Variants in LPP observed in about 807,000 individuals in gnomAD.
The protein encoded by LPP is lipoma-preferred partner.
LPP carries 38 observed loss-of-function variants against 60.4 expected under a neutral mutation model. The ratio of observed to expected loss-of-function variants is 0.63; its 90% CI spans 0.49 to 0.83. The LOEUF (loss-of-function observed/expected upper bound fraction) is 0.83, where lower values mean the gene tolerates loss of function less well. Among genes scored for constraint, LPP ranks in the 40% least tolerant of loss-of-function variants. LPP has a pLI of 0.00. For synonymous variants in LPP, 328 were observed against 290.8 expected (o/e 1.13, Z -1.30); for missense variants, 902 against 783.6 (o/e 1.15, Z -1.80).
chr3:188,321,999 A>G (rs1370669119), intron 2 of LPP, among the ~76,000 whole-genome samples: 1 of 152,222 alleles, frequency 6.6e-6, no homozygotes, highest in Non-Finnish European at 1.5e-5. Flanking sequence ...ATCTCAGCTT[A>G]TGATAAGGAA....
At chr3:188,393,382 C>T (rs1780158930) in intron 3 of LPP, among the ~76,000 whole-genome samples, 2 of 152,102 alleles carry the variant, frequency 1.3e-5, no homozygotes, top group South Asian at 4.1e-4. Flanking sequence ...CTTCCCGTTG[C>T]TAATTGCTGT....
At chr3:188,676,366 C>T (rs997410234) in intron 7 of LPP, among the ~76,000 whole-genome samples, 3 of 152,078 alleles carry the variant, frequency 2.0e-5, no homozygotes, top group Non-Finnish European at 2.9e-5. Context: ...GTCGCCACAT[C>T]TTAGGTAATT....
At chr3:188,679,917 T>C (rs1859093674) in intron 7 of LPP, among the ~76,000 whole-genome samples, 1 of 152,170 alleles carries the variant, frequency 6.6e-6, no homozygotes, top group Non-Finnish European at 1.5e-5. Flanking sequence ...ATCTCTGCTG[T>C]CACTGTGCTG....
intron 3 of LPP, among the ~76,000 whole-genome samples, chr3:188,400,254 A>G (rs1560353118): frequency 6.6e-6 from 1 of 152,190 alleles, no homozygotes; most frequent in African/African-American, 2.4e-5. Flanking sequence ...TCTTCTCCAA[A>G]TAGGGAGGTA....
At chr3:188,795,950 G>T (rs931572060) in intron 9 of LPP, among the ~76,000 whole-genome samples, 8 of 152,094 alleles carry the variant, frequency 5.3e-5, no homozygotes, top group African/African-American at 1.9e-4. Flanking sequence ...AGTTGGTGGG[G>T]TGCGCCTTAT....
At chr3:188,366,740 A>G (rs1052858159) in intron 3 of LPP, among the ~76,000 whole-genome samples, 1 of 152,124 alleles carries the variant, frequency 6.6e-6, no homozygotes, top group Non-Finnish European at 1.5e-5. Context: ...AAAGCGGGGA[A>G]TCTGTTTAGC....
At chr3:188,221,076 C>G (rs563998030) in intron 1 of LPP, among the ~76,000 whole-genome samples, 325 of 152,344 alleles carry the variant, frequency 2.1e-3, no homozygotes, top group Non-Finnish European at 3.0e-3. Flanking sequence ...CTTCCAGGCT[C>G]TGGCTGCCAC....
chr3:188,667,942 C>T (rs574911558), intron 7 of LPP, among the ~76,000 whole-genome samples: 22 of 151,920 alleles, frequency 1.4e-4, no homozygotes, highest in Non-Finnish European at 2.2e-4. Context: ...AGCAAAACAG[C>T]CTACTCAAGG....
chr3:188,696,582 T>C (rs1322956618), intron 7 of LPP, among the ~76,000 whole-genome samples: 2 of 151,364 alleles, frequency 1.3e-5, no homozygotes, highest in South Asian at 2.1e-4. Context: ...AGAATCCGTC[T>C]AAAACAACAA....
intron 5 of LPP, among the ~76,000 whole-genome samples, chr3:188,499,347 A>G (rs533661207): frequency 6.6e-6 from 1 of 152,224 alleles, no homozygotes; most frequent in Admixed American, 6.5e-5. Context: ...TTGTGTGTGG[A>G]TATTAAATTT....
intron 3 of LPP, among the ~76,000 whole-genome samples, chr3:188,388,457 G>A (rs1403631206): frequency 6.6e-6 from 1 of 152,148 alleles, no homozygotes; most frequent in Non-Finnish European, 1.5e-5. Flanking sequence ...ATGCTGAGGT[G>A]CATTTATAAG....
At chr3:188,400,529 G>A (rs1336271599) in intron 3 of LPP, among the ~76,000 whole-genome samples, 1 of 152,170 alleles carries the variant, frequency 6.6e-6, no homozygotes, top group South Asian at 2.1e-4. Context: ...ACCGCTGGGG[G>A]AACAGACAGA....
intron 2 of LPP, among the ~76,000 whole-genome samples, chr3:188,317,643 A>G (rs1755482090): frequency 6.6e-6 from 1 of 152,296 alleles, no homozygotes; most frequent in South Asian, 2.1e-4. Flanking sequence ...TGCTAAAGTT[A>G]TATTTAGTGT....
intron 7 of LPP, among the ~76,000 whole-genome samples, chr3:188,703,730 G>A (rs1185329551): frequency 1.3e-5 from 2 of 152,140 alleles, no homozygotes; most frequent in Non-Finnish European, 2.9e-5. Context: ...AAACAGCATA[G>A]CAAGCAAATA....
chr3:188,763,132 C>A (rs1732950771), intron 9 of LPP, among the ~76,000 whole-genome samples: 1 of 152,150 alleles, frequency 6.6e-6, no homozygotes, highest in Non-Finnish European at 1.5e-5. Context: ...GAACAGGAAG[C>A]ATATTCTGTG....
chr3:188,461,056 A>G (rs1798855994), intron 4 of LPP, among the ~76,000 whole-genome samples: 1 of 152,242 alleles, frequency 6.6e-6, no homozygotes, highest in South Asian at 2.1e-4. Flanking sequence ...TCCAGAGGAT[A>G]GAAATATGCC....
At chr3:188,770,461 G>A (rs2150671757) in intron 9 of LPP, among the ~76,000 whole-genome samples, 1 of 151,600 alleles carries the variant, frequency 6.6e-6, no homozygotes, top group South Asian at 2.1e-4. Context: ...AAAGTGCTGG[G>A]ATTACAGGGG....
chr3:188,780,719 G>T (rs1485897417), intron 9 of LPP, among the ~76,000 whole-genome samples: 1 of 151,956 alleles, frequency 6.6e-6, no homozygotes, highest in African/African-American at 2.4e-5. Context: ...CCCCCCTCAG[G>T]ATCCCACCCC....
At chr3:188,792,074 G>T (rs1743950070) in intron 9 of LPP, among the ~76,000 whole-genome samples, 1 of 152,038 alleles carries the variant, frequency 6.6e-6, no homozygotes, top group Non-Finnish European at 1.5e-5. Flanking sequence ...GCTATACCAG[G>T]CTGTCCTTCT....
Sources: gnomAD v4.1 joint callset for allele counts (sites outside exome capture counted in the v4.1 genomes callset) on GRCh38, gnomAD v4.1.1 for gene constraint, MANE v1.5 for transcripts, NCBI Gene and HGNC (gene_info 2026-07-23, HGNC 2026-07-21) for gene names.